The following HYCC2 variants were observed in gnomAD, a reference collection of about 807,000 sequenced individuals.
The protein encoded by HYCC2 is hyccin 2.
At chr2:201,061,496 T>G in the HYCC2 span, 1 of 152,130 alleles carries the variant, frequency 6.6e-6, no homozygotes, top group Admixed American at 6.5e-5. Flanking sequence ...AAAAAAACAC[T>G]GCTGTAGCAC....
chr2:201,030,035 T>G, the HYCC2 span, among the ~76,000 whole-genome samples: 12 of 152,120 alleles, frequency 7.9e-5, no homozygotes, highest in Admixed American at 6.6e-4. Flanking sequence ...TCCAGTGAGC[T>G]ATGACCATGC....
At chr2:200,998,947 A>G in the HYCC2 span, among the ~76,000 whole-genome samples, 7 of 152,216 alleles carry the variant, frequency 4.6e-5, no homozygotes, top group African/African-American at 1.7e-4. Flanking sequence ...CACTTTCTCC[A>G]TATATCTAGG....
the HYCC2 span, chr2:201,062,949 C>A: frequency 1.9e-6 from 2 of 1,028,622 alleles, no homozygotes; most frequent in Non-Finnish European, 2.9e-6. Context: ...TGAACAACTA[C>A]TACTGCTGCT....
the HYCC2 span, among the ~76,000 whole-genome samples, chr2:201,047,672 G>C: frequency 6.6e-6 from 1 of 150,386 alleles, no homozygotes; most frequent in Non-Finnish European, 1.5e-5. Context: ...GAAGAAGTAA[G>C]GATGGAGAAA....
At chr2:200,997,336 T>C in the HYCC2 span, 1 of 725,878 alleles carries the variant, frequency 1.4e-6, no homozygotes, top group African/African-American at 1.8e-5. Context: ...TCCATGAGTT[T>C]TGTTTACTGC....
the HYCC2 span, chr2:201,063,499 G>A: frequency 1.1e-5 from 17 of 1,592,060 alleles, no homozygotes; most frequent in Admixed American, 2.2e-4. Context: ...TTGAAATCAT[G>A]ACTGACCGAG....
At chr2:201,058,860 G>A in the HYCC2 span, among the ~76,000 whole-genome samples, 1 of 152,162 alleles carries the variant, frequency 6.6e-6, no homozygotes, top group Non-Finnish European at 1.5e-5. Context: ...ACATTTTTCT[G>A]GGTGTTTCCA....
the HYCC2 span, among the ~76,000 whole-genome samples, chr2:201,043,432 T>TAAAAAAAAAAAAA: frequency 2.7e-5 from 2 of 74,894 alleles, no homozygotes; most frequent in Non-Finnish European, 5.7e-5. Context: ...CAATAAATAC[T>TAAAAAAAAAAAAA]AAAAAAAAAA....
At chr2:201,017,588 A>G in the HYCC2 span, among the ~76,000 whole-genome samples, 1 of 152,232 alleles carries the variant, frequency 6.6e-6, no homozygotes, top group East Asian at 1.9e-4. Flanking sequence ...CTATGATTTA[A>G]GCAAATTATA....
chr2:201,002,344 T>G, the HYCC2 span, among the ~76,000 whole-genome samples: 1 of 148,826 alleles, frequency 6.7e-6, no homozygotes, highest in Non-Finnish European at 1.5e-5. Context: ...AAAACAATAA[T>G]GAATAACAAT....
the HYCC2 span, among the ~76,000 whole-genome samples, chr2:201,034,523 T>C: frequency 6.6e-6 from 1 of 152,214 alleles, no homozygotes; most frequent in Non-Finnish European, 1.5e-5. Flanking sequence ...ATGGGTCTCC[T>C]GAATACAGCA....
At chr2:201,033,107 T>C in the HYCC2 span, among the ~76,000 whole-genome samples, 1 of 151,258 alleles carries the variant, frequency 6.6e-6, no homozygotes, top group African/African-American at 2.4e-5. Flanking sequence ...AAATGTTCTC[T>C]AAAGAACATA....
chr2:201,033,005 G>C, the HYCC2 span, among the ~76,000 whole-genome samples: 1 of 151,492 alleles, frequency 6.6e-6, no homozygotes, highest in East Asian at 1.9e-4. Flanking sequence ...TCATCTTTTA[G>C]CTAACTACAA....
At chr2:201,022,821 G>A in the HYCC2 span, 1 of 1,515,470 alleles carries the variant, frequency 6.6e-7, no homozygotes, top group Non-Finnish European at 9.1e-7. Flanking sequence ...TTTTTCTTGA[G>A]GTCTCCTACC....
the HYCC2 span, chr2:200,992,349 G>C: frequency 6.2e-6 from 10 of 1,610,342 alleles, no homozygotes; most frequent in Non-Finnish European, 8.5e-6. Flanking sequence ...TCCTGGCCAA[G>C]GTCCCACTGT....
the HYCC2 span, among the ~76,000 whole-genome samples, chr2:200,993,197 C>T: frequency 6.6e-6 from 1 of 152,092 alleles, no homozygotes. Flanking sequence ...AATAAAAATC[C>T]GAAATCTGTG....
At chr2:201,010,467 T>C in the HYCC2 span, among the ~76,000 whole-genome samples, 1 of 152,230 alleles carries the variant, frequency 6.6e-6, no homozygotes, top group African/African-American at 2.4e-5. Context: ...CATAAGTTTC[T>C]TATTGGATTT....
the HYCC2 span, among the ~76,000 whole-genome samples, chr2:201,017,835 T>C: frequency 6.6e-6 from 1 of 152,204 alleles, no homozygotes; most frequent in Non-Finnish European, 1.5e-5. Context: ...TCAGTTTTCA[T>C]TGTATTGATG....
the HYCC2 span, among the ~76,000 whole-genome samples, chr2:201,003,838 T>C: frequency 7.0e-6 from 1 of 143,246 alleles, no homozygotes; most frequent in Non-Finnish European, 1.5e-5. Context: ...TTGAGATGGA[T>C]TTCACCCTTG....
Sources: allele counts gnomAD v4.1 joint callset (sites outside exome capture counted in the v4.1 genomes callset), GRCh38; gene constraint gnomAD v4.1.1; transcripts MANE v1.5; gene names NCBI Gene and HGNC (gene_info 2026-07-23, HGNC 2026-07-21).